The following EXPH5 variants were observed in gnomAD, a reference collection of about 807,000 sequenced individuals.
EXPH5 encodes the protein exophilin-5.
EXPH5 carries 42 observed loss-of-function variants against 41.1 expected under a neutral mutation model. The ratio of observed to expected loss-of-function variants is 1.02; its 90% CI spans 0.80 to 1.32. The LOEUF (loss-of-function observed/expected upper bound fraction) is 1.32. Among genes scored for constraint, EXPH5 ranks in the 40% most tolerant of loss-of-function variants. EXPH5 has a pLI of 0.00. For missense variants in EXPH5, 2,298 were observed against 2,314.5 expected, an observed-to-expected ratio of 0.99 and a Z score of 0.15; for synonymous variants, 798 against 833.5, an observed-to-expected ratio of 0.96 and a Z score of 0.73.
the EXPH5 span, among the ~76,000 whole-genome samples, chr11:108,605,939 C>T: frequency 1.3e-5 from 2 of 152,194 alleles, no homozygotes; most frequent in African/African-American, 2.4e-5. Context: ...AAATAGAAAG[C>T]AGACTTGTTT....
chr11:108,595,081 A>G (rs1373974509), upstream of EXPH5, among the ~76,000 whole-genome samples: 1 of 152,234 alleles, frequency 6.6e-6, no homozygotes, highest in East Asian at 1.9e-4. Context: ...CAGCATACAC[A>G]TGGGACTTTT....
At chr11:108,570,687 G>A (rs1248494806) in intron 1 of EXPH5, among the ~76,000 whole-genome samples, 1 of 152,128 alleles carries the variant, frequency 6.6e-6, no homozygotes, top group Non-Finnish European at 1.5e-5. Context: ...GGAACTACAG[G>A]CATGTGCCAC....
At chr11:108,532,652 C>T (rs537538016) in intron 3 of EXPH5, among the ~76,000 whole-genome samples, 5 of 151,954 alleles carry the variant, frequency 3.3e-5, no homozygotes, top group Non-Finnish European at 7.4e-5. Flanking sequence ...TTAAACAAAA[C>T]GAAACGAAAA....
Position 108,528,200 on chromosome 11 carries a change from G to GA in EXPH5, c.444-17dup. On this transcript the variant is annotated splice_polypyrimidine_tract_variant and intron_variant, in intron 3 of 5. Coordinates refer to ENST00000265843, the MANE Select transcript of EXPH5 (RefSeq NM_015065.3). ...GCCATCACATCTGTGGAAATAATTTGAAATGATTTCTTTGAAGAAGAGCCT... is the reference window on the plus strand; with the variant it reads ...GCCATCACATCTGTGGAAATAATTTGAAAATGATTTCTTTGAAGAAGAGCCT... The GA allele has an allele frequency of 6.3e-7, 1 of 1,595,638 alleles. No homozygotes were observed. Among genetic ancestry groups the GA allele is most frequent in the East Asian group, 2.2e-5 (1 of 44,798 alleles).
chr11:108,600,091 G>T, the EXPH5 span, among the ~76,000 whole-genome samples: 1 of 152,158 alleles, frequency 6.6e-6, no homozygotes, highest in Non-Finnish European at 1.5e-5. Context: ...CTTCTATATT[G>T]TATGGAGATG....
intron 1 of EXPH5, among the ~76,000 whole-genome samples, chr11:108,569,344 T>C (rs970183549): frequency 6.7e-6 from 1 of 149,822 alleles, no homozygotes; most frequent in Non-Finnish European, 1.5e-5. Context: ...TTATTATTAT[T>C]TTCTTATTTT....
chr11:108,605,145 G>A, the EXPH5 span, among the ~76,000 whole-genome samples: 1 of 152,114 alleles, frequency 6.6e-6, no homozygotes, highest in African/African-American at 2.4e-5. Context: ...AGGTGGAAAC[G>A]GGTTGTGATG....
At chr11:108,541,886 C>CTT in intron 1 of EXPH5, 74 bp from the exon 2 acceptor site, 1 of 1,269,924 alleles carries the variant, frequency 7.9e-7, no homozygotes, top group Non-Finnish European at 1.1e-6. Flanking sequence ...AATCAATGTA[C>CTT]TTTTTTTTTG....
rs1425873823 is a variant in EXPH5, at chr11:108,512,730, T to C, written c.2777A>G (p.Asn926Ser). The C allele has an allele frequency of 8.7e-6, 14 of 1,613,890 alleles. No homozygotes were observed. Among genetic ancestry groups the C allele is most frequent in the Non-Finnish European group, 1.0e-5 (12 of 1,179,970 alleles). Residue 926 changes from asparagine (N) to serine (S), a missense_variant, in exon 6 of 6, where the codon AAT (asparagine) becomes AGT (serine). Physicochemically the swap from Asn to Ser is conservative, Grantham distance 46 (BLOSUM62 1). Transcript: ENST00000265843. ...PSLGEREEKD[N>S]AGKNQKNQFI... ...CTGATTCTTTTGGTTCTTCCCAGCA[T>C]TGTCTTTTTCTTCTCTTTCTCCTAG...
At chr11:108,534,143 T>C (rs73548773) in intron 3 of EXPH5, among the ~76,000 whole-genome samples, 3,199 of 152,314 alleles carry the variant, frequency 0.021, 137 homozygotes, top group African/African-American at 0.073. Flanking sequence ...AAAATCACCG[T>C]TGGTTGAAAA....
At position 108,510,533 on chromosome 11, in the gene EXPH5, C is replaced by T. The variant is rs757921976; in HGVS notation, c.4974G>A (p.Arg1658=). 1.9e-6 allele frequency: 3 copies of T among 1,614,138 alleles called. No homozygotes were observed. The highest frequency in any genetic ancestry group is 2.5e-6 in the Non-Finnish European group (3 of 1,180,020). Residue 1658 remains arginine (R), a synonymous_variant, in exon 6 of 6, where the codon AGG becomes AGA. Coordinates refer to ENST00000265843, the MANE Select transcript of EXPH5 (RefSeq NM_015065.3). ...PKSAESIGES[R]LSENGKHVKK... ...TCACATGCTTTCCGTTCTCACTCAACCTGCTTTCGCCAATGGACTCTGCAG... is the reference window on the plus strand; with the variant it reads ...TCACATGCTTTCCGTTCTCACTCAATCTGCTTTCGCCAATGGACTCTGCAG...
At chr11:108,529,805 T>C (rs1345093394) in intron 3 of EXPH5, among the ~76,000 whole-genome samples, 7 of 151,002 alleles carry the variant, frequency 4.6e-5, no homozygotes, top group African/African-American at 1.7e-4. Context: ...GATCACACCA[T>C]TGCACTCCAG....
At chr11:108,537,399 T>C (rs769407682) in intron 3 of EXPH5, among the ~76,000 whole-genome samples, 23 of 152,234 alleles carry the variant, frequency 1.5e-4, no homozygotes, top group Non-Finnish European at 3.1e-4. Flanking sequence ...ATTTATGTTT[T>C]GAAAGTAAAA....
chr11:108,599,512 C>G, the EXPH5 span, among the ~76,000 whole-genome samples: 1 of 152,128 alleles, frequency 6.6e-6, no homozygotes, highest in Non-Finnish European at 1.5e-5. Context: ...GATGTCACAA[C>G]CTAACTGGAT....
chr11:108,513,288 G>A lies in EXPH5; in HGVS notation c.2219C>T (p.Pro740Leu), dbSNP rs766623289. Reference sequence around the variant, plus strand: ...CTGGGATAAGGGATTTTGAAAATCAGGTAAAGAGTTTGAGATCCCTGTCTG... The same window carrying A: ...CTGGGATAAGGGATTTTGAAAATCAAGTAAAGAGTTTGAGATCCCTGTCTG... ...VSQTGISNSLPDFQNPLSQDS... is the reference protein window; with the variant it reads ...VSQTGISNSLLDFQNPLSQDS... Residue 740 changes from proline (P) to leucine (L), a missense_variant, in exon 6 of 6, where the codon CCT becomes CTT. Physicochemically the swap from Pro to Leu is moderately conservative, Grantham distance 98. Transcript: ENST00000265843. 4 of 1,612,324 alleles carry A rather than the reference G, an allele frequency of 2.5e-6. No individual in the cohort carries two copies. In the African/African-American group the frequency reaches 4.0e-5, roughly 16 times the overall value.
At chr11:108,585,504 T>C (rs550912613) in intron 1 of EXPH5, among the ~76,000 whole-genome samples, 1 of 152,310 alleles carries the variant, frequency 6.6e-6, no homozygotes, top group Admixed American at 6.5e-5. Context: ...GGAGGGGGAC[T>C]TCACCAAACA....
intron 1 of EXPH5, among the ~76,000 whole-genome samples, chr11:108,553,944 A>G (rs2093979598): frequency 6.6e-6 from 1 of 152,230 alleles, no homozygotes; most frequent in African/African-American, 2.4e-5. Context: ...AACTAATTTA[A>G]TCTTCACAAG....
rs775152370 is a variant in EXPH5 at position 108,512,185 on chromosome 11, T to A, written c.3322A>T (p.Thr1108Ser). Residue 1108 changes from threonine (T) to serine (S), a missense_variant, in exon 6 of 6, where the codon ACT (threonine) becomes TCT (serine). Coordinates refer to ENST00000265843, the MANE Select transcript of EXPH5 (RefSeq NM_015065.3). The stretch of plus-strand genomic sequence containing the variant: ...GGAAGTGGTCCTTTTCTAACGGAAG[T>A]AGATCCACTGCTTTTTACATTTGTC... ...RMTNVKSSGS[T>S]SVRKGPLPFL... 33 of 1,611,028 alleles carry A rather than the reference T, an allele frequency of 2.0e-5. No individual in the cohort carries two copies. The highest frequency in any genetic ancestry group is 2.8e-5 in the Non-Finnish European group (33 of 1,178,834).
At position 108,539,070 on chromosome 11, in the gene EXPH5, T is replaced by C. The variant is rs1328706843; in HGVS notation, c.397A>G (p.Lys133Glu). The change falls in exon 3 of 6, where the codon AAA becomes GAA. Residue 133 changes from lysine (K) to glutamate (E), a missense_variant. Physicochemically the swap from Lys to Glu is moderately conservative, Grantham distance 56. Transcript: ENST00000265843. ...SSFASLFSFR[K>E]SGKETSKLPS... ...AGCTTTGAAGTCTCCTTTCCAGATT[T>C]CCTGAATGAGAACAGGGAAGCAAAT... 1 of 1,608,224 alleles carries C rather than the reference T, an allele frequency of 6.2e-7. No individual in the cohort carries two copies. Among genetic ancestry groups the C allele is most frequent in the East Asian group, 2.2e-5 (1 of 44,822 alleles).
Sources: gnomAD v4.1 joint callset for allele counts (sites outside exome capture counted in the v4.1 genomes callset) on GRCh38, gnomAD v4.1.1 for gene constraint, MANE v1.5 for transcripts, NCBI Gene and HGNC (gene_info 2026-07-23, HGNC 2026-07-21) for gene names.